SELENOF: variants seen among roughly 807,000 people sequenced by gnomAD.
SELENOF encodes 15 kDa selenoprotein.
In SELENOF, 16 loss-of-function variants were observed where a neutral mutation model predicts 20.5. The ratio of observed to expected loss-of-function variants is 0.78; its 90% CI spans 0.53 to 1.19. SELENOF has a LOEUF of 1.19. Among genes scored for constraint, SELENOF ranks in the 50% most tolerant of loss-of-function variants. SELENOF has a pLI of 0.00. For synonymous variants in SELENOF, 78 were observed against 74.5 expected, an observed-to-expected ratio of 1.05 and a Z score of -0.24; for missense variants, 215 against 194.2, an observed-to-expected ratio of 1.11 and a Z score of -0.64.
chr1:86,905,284 C>T (rs996148607), intron 1 of SELENOF, among the ~76,000 whole-genome samples: 9 of 152,174 alleles, frequency 5.9e-5, no homozygotes, highest in Non-Finnish European at 1.3e-4. Context: ...CTTCTCATTA[C>T]TTCCTCAATT....
At chr1:86,876,983 T>G (rs1658938638) in intron 3 of SELENOF, among the ~76,000 whole-genome samples, 1 of 152,212 alleles carries the variant, frequency 6.6e-6, no homozygotes, top group Non-Finnish European at 1.5e-5. Flanking sequence ...ACATATTGAC[T>G]TGAATGTTTT....
intron 2 of SELENOF, among the ~76,000 whole-genome samples, chr1:86,890,916 C>T (rs1304016887): frequency 1.3e-5 from 2 of 152,018 alleles, no homozygotes; most frequent in African/African-American, 4.8e-5. Context: ...GCTCTTAGTT[C>T]CCCTTTCCTT....
intron 1 of SELENOF, among the ~76,000 whole-genome samples, chr1:86,913,604 G>A (rs1660048177): frequency 6.6e-6 from 1 of 152,218 alleles, no homozygotes; most frequent in Admixed American, 6.5e-5. Flanking sequence ...ACGCGCGCGA[G>A]AGAGGTAAAC....
intron 2 of SELENOF, among the ~76,000 whole-genome samples, chr1:86,884,833 T>C (rs1445853584): frequency 6.6e-6 from 1 of 152,190 alleles, no homozygotes; most frequent in Non-Finnish European, 1.5e-5. Flanking sequence ...TCTAGCCCAT[T>C]ATTGTATTAG....
At chr1:86,867,162 C>T (rs930095605) in intron 4 of SELENOF, among the ~76,000 whole-genome samples, 2 of 151,956 alleles carry the variant, frequency 1.3e-5, no homozygotes, top group Admixed American at 6.6e-5. Flanking sequence ...ATATAACATT[C>T]TGGAAAAGGC....
chr1:86,884,350 C>CACACAT (rs1400076538), intron 2 of SELENOF, among the ~76,000 whole-genome samples: 3 of 86,090 alleles, frequency 3.5e-5, no homozygotes, highest in Non-Finnish European at 6.9e-5. Flanking sequence ...CATACATACA[C>CACACAT]ACACACACAC....
At chr1:86,909,356 A>G (rs1659916664) in intron 1 of SELENOF, among the ~76,000 whole-genome samples, 1 of 152,210 alleles carries the variant, frequency 6.6e-6, no homozygotes, top group South Asian at 2.1e-4. Context: ...GGAAGTTATA[A>G]CAGTTCAATA....
rs368514300 is a variant in SELENOF, at chr1:86,889,027, T to G, written c.253-8302A>C. 5.9e-5 allele frequency among the ~76,000 whole-genome samples: 9 copies of G among 152,276 alleles called. No individual in the cohort carries two copies. In the East Asian group the frequency reaches 1.5e-3, roughly 26 times the overall value. ...CAAATTAAATTGTGGTATCTCCCTATAGATAGTAATCACCTAATACATTTG... is the reference window on the plus strand; with the variant it reads ...CAAATTAAATTGTGGTATCTCCCTAGAGATAGTAATCACCTAATACATTTG... On this transcript the variant is annotated intron_variant, in intron 2 of 4. Transcript: ENST00000331835.
At chr1:86,895,227 A>T (rs926271487) in intron 2 of SELENOF, among the ~76,000 whole-genome samples, 1 of 152,238 alleles carries the variant, frequency 6.6e-6, no homozygotes, top group African/African-American at 2.4e-5. Flanking sequence ...CCAAATTTTA[A>T]CACTGGCAAA....
chr1:86,912,242 T>C (rs1224583204), intron 1 of SELENOF, among the ~76,000 whole-genome samples: 1 of 152,194 alleles, frequency 6.6e-6, no homozygotes, highest in Non-Finnish European at 1.5e-5. Context: ...TTGAGATACT[T>C]AGGAATTAAA....
intron 3 of SELENOF, among the ~76,000 whole-genome samples, chr1:86,872,898 T>C (rs1658815164): frequency 6.6e-6 from 1 of 151,868 alleles, no homozygotes; most frequent in African/African-American, 2.4e-5. Context: ...AAAAATTAGC[T>C]GGCGTGGTGG....
chr1:86,877,726 C>T (rs376169204), intron 3 of SELENOF, among the ~76,000 whole-genome samples: 1 of 152,098 alleles, frequency 6.6e-6, no homozygotes, highest in Non-Finnish European at 1.5e-5. Context: ...GGTTGCCAAA[C>T]GGAGGCCCAC....
At chr1:86,875,373 A>C (rs1658899726) in intron 3 of SELENOF, among the ~76,000 whole-genome samples, 1 of 152,230 alleles carries the variant, frequency 6.6e-6, no homozygotes, top group Non-Finnish European at 1.5e-5. Flanking sequence ...ATGTAGGAAG[A>C]CTGGAGGTAC....
intron 2 of SELENOF, among the ~76,000 whole-genome samples, chr1:86,891,416 G>A (rs1238797467): frequency 2.0e-5 from 3 of 152,154 alleles, no homozygotes; most frequent in African/African-American, 4.8e-5. Flanking sequence ...AACCCAGGAA[G>A]AAATATTTAG....
intron 2 of SELENOF, among the ~76,000 whole-genome samples, chr1:86,902,195 AAAG>A (rs1659719879): frequency 6.6e-6 from 1 of 152,246 alleles, no homozygotes; most frequent in Non-Finnish European, 1.5e-5. Flanking sequence ...CATGCAAGAA[AAAG>A]AATAACTTAT....
At position 86,863,602 on chromosome 1, in the gene SELENOF, C is replaced by T; in HGVS notation, c.370G>A (p.Val124Ile). The T allele has an allele frequency of 1.9e-6, 3 of 1,612,256 alleles. No individual in the cohort carries two copies. Among genetic ancestry groups the T allele is most frequent in the Non-Finnish European group, 2.5e-6 (3 of 1,179,372 alleles). ...TTTAATACAGGGTCTGAACCACGGA[C>T]ATACTACAAAAAAGAGGGACGTCAT... ...KLFRGLQIKY[V>I]RGSDPVLKLL... Residue 124 changes from valine (V) to isoleucine (I), a missense_variant, in exon 5 of 5, where the codon GTC becomes ATC. Val to Ile is a conservative substitution (Grantham distance 29). Transcript: ENST00000331835.
chr1:86,901,226 T>C (rs1463093698), intron 2 of SELENOF, among the ~76,000 whole-genome samples: 1 of 152,164 alleles, frequency 6.6e-6, no homozygotes, highest in East Asian at 1.9e-4. Context: ...CAGAAAAGTA[T>C]ATTATATATA....
chr1:86,905,321 T>G (rs939364654), intron 1 of SELENOF, among the ~76,000 whole-genome samples: 1 of 152,202 alleles, frequency 6.6e-6, no homozygotes, highest in South Asian at 2.1e-4. Flanking sequence ...ATTCCTATAG[T>G]ATCTTGAAGT....
At chr1:86,901,065 G>C (rs1411555307) in intron 2 of SELENOF, among the ~76,000 whole-genome samples, 2 of 152,024 alleles carry the variant, frequency 1.3e-5, no homozygotes, top group Admixed American at 6.5e-5. Flanking sequence ...GCTAATTTTT[G>C]TATTTTTTGT....
Sources: gnomAD v4.1 joint callset for allele counts (sites outside exome capture counted in the v4.1 genomes callset) on GRCh38, gnomAD v4.1.1 for gene constraint, MANE v1.5 for transcripts, NCBI Gene and HGNC (gene_info 2026-07-23, HGNC 2026-07-21) for gene names.